Variants in MYH10 observed in about 807,000 individuals in gnomAD.
MYH10 encodes myosin heavy chain 10, also known as myosin-10.
A neutral mutation model predicts 257.8 loss-of-function variants in MYH10; 55 were observed. That is an observed-to-expected ratio of 0.21 (90% CI 0.17 to 0.27). The LOEUF (loss-of-function observed/expected upper bound fraction) is 0.27, where lower values mean the gene tolerates loss of function less well. Ranked by LOEUF, MYH10 falls within the 10% of genes least tolerant of loss-of-function variation. The pLI is 1.00. For missense variants in MYH10, 1,631 were observed against 2,500.6 expected (o/e 0.65, Z 7.42); for synonymous variants, 854 against 921.7 (o/e 0.93, Z 1.33).
chr17:8,517,502 T>C (rs1003095813), intron 21 of MYH10, among the ~76,000 whole-genome samples: 2 of 152,228 alleles, frequency 1.3e-5, no homozygotes, highest in Non-Finnish European at 2.9e-5. Context: ...AAACCCGAAG[T>C]GTTCAGTAGA....
chr17:8,585,182 T>A lies in MYH10; in HGVS notation c.530+3899A>T, dbSNP rs563572227. Among the ~76,000 whole-genome samples, 6 of 123,568 alleles carry A rather than the reference T, an allele frequency of 4.9e-5. No homozygotes were observed. The East Asian group carries it at 1.4e-3, about 30-fold the overall frequency. 81.1% of individuals were successfully genotyped at this position (123,568 alleles called of 152,430 possible). On this transcript the variant is annotated intron_variant, in intron 4 of 42. Transcript: ENST00000360416. ...GTCGTACTACATATATATATGTGTG[T>A]GTGTGTGTATATTATATATATATAT...
At chr17:8,543,881 G>A (rs1222715408) in intron 13 of MYH10, among the ~76,000 whole-genome samples, 2 of 152,186 alleles carry the variant, frequency 1.3e-5, no homozygotes, top group African/African-American at 2.4e-5. Context: ...AATTCAAAGT[G>A]TACAAAGAAT....
chr17:8,484,759 A>G (rs762159654), intron 36 of MYH10, among the ~76,000 whole-genome samples: 5 of 152,210 alleles, frequency 3.3e-5, no homozygotes, highest in Non-Finnish European at 5.9e-5. Context: ...ATACCCTTTC[A>G]ATATAAAAAT....
intron 1 of MYH10, among the ~76,000 whole-genome samples, chr17:8,623,792 T>C (rs1465434911): frequency 1.3e-5 from 2 of 152,216 alleles, no homozygotes; most frequent in Non-Finnish European, 2.9e-5. Flanking sequence ...GTTCTTCTTA[T>C]GAATAACCCA....
chr17:8,560,234 G>T (rs961944640), intron 7 of MYH10, among the ~76,000 whole-genome samples: 1 of 151,824 alleles, frequency 6.6e-6, no homozygotes, highest in African/African-American at 2.4e-5. Flanking sequence ...TTAGAAGTTT[G>T]AAATTCATCA....
intron 25 of MYH10, among the ~76,000 whole-genome samples, chr17:8,509,031 C>T (rs1397378638): frequency 1.3e-5 from 2 of 152,208 alleles, no homozygotes; most frequent in Non-Finnish European, 2.9e-5. Context: ...CACATTCACT[C>T]AGCGCTCACT....
At chr17:8,628,290 C>T (rs919146221) in intron 1 of MYH10, among the ~76,000 whole-genome samples, 3 of 152,166 alleles carry the variant, frequency 2.0e-5, no homozygotes. Flanking sequence ...TAGCCCCCTA[C>T]AGAGCCAAAG....
chr17:8,609,652 T>C (rs75712466), intron 2 of MYH10, among the ~76,000 whole-genome samples: 3,723 of 151,910 alleles, frequency 0.025, 170 homozygotes, highest in African/African-American at 0.085. Context: ...TCTGAAAACG[T>C]AAAATTAAAA....
Position 8,492,955 on chromosome 17 carries a change from T to C in MYH10, c.4279A>G (p.Lys1427Glu). The stretch of plus-strand genomic sequence containing the variant: ...AGGGCCTCCGCGTCCTTCAGAAGCT[T>C]CTTCTTGGCTTCTTCCAGACTTTCA... ...TIESLEEAKK[K>E]LLKDAEALSQ... The change falls in exon 33 of 43, where the codon AAG becomes GAG. Residue 1427 changes from lysine (K) to glutamate (E), a missense_variant. Lys to Glu is a moderately conservative substitution (Grantham distance 56). Around this residue, in one of 11 missense-constraint regions of MYH10, gnomAD observed 463 missense variants for 621.8 expected, o/e 0.74. Coordinates refer to ENST00000360416, the MANE Select transcript of MYH10 (RefSeq NM_001256012.3). 1 of 1,614,192 alleles carries C rather than the reference T, an allele frequency of 6.2e-7. No homozygotes were observed. The highest frequency in any genetic ancestry group is 8.5e-7 in the Non-Finnish European group (1 of 1,180,026).
chr17:8,512,343 C>G, intron 24 of MYH10, 108 bp downstream of exon 24: 6 of 847,934 alleles, frequency 7.1e-6, no homozygotes, highest in Non-Finnish European at 1.1e-5. Context: ...ACCCAGAACC[C>G]TTTTGCTTCT....
chr17:8,486,543 CA>C (rs67844660), intron 36 of MYH10, among the ~76,000 whole-genome samples: 9 of 120,720 alleles, frequency 7.5e-5, no homozygotes, highest in African/African-American at 2.7e-4. Flanking sequence ...TATTTAGCTT[CA>C]AAAAAAAAAA....
chr17:8,568,920 A>C (rs2083247760), intron 7 of MYH10, among the ~76,000 whole-genome samples: 1 of 151,692 alleles, frequency 6.6e-6, no homozygotes, highest in Non-Finnish European at 1.5e-5. Flanking sequence ...ATAGCTAAGG[A>C]GAATTTTTAG....
At chr17:8,536,069 T>G in intron 14 of MYH10, 138 bp from the exon 15 acceptor site, 1 of 773,076 alleles carries the variant, frequency 1.3e-6, no homozygotes, top group South Asian at 2.1e-5. Context: ...AAGGAATGTC[T>G]AAGCCATAAC....
In MYH10 at chr17:8,545,289, G is replaced by A. The variant is rs968640563; in HGVS notation, c.1431+159C>T. 3.3e-5 allele frequency among the ~76,000 whole-genome samples: 5 copies of A among 152,166 alleles called. No individual in the cohort carries two copies. The highest frequency in any genetic ancestry group is 4.4e-5 in the Non-Finnish European group (3 of 68,034). ...TTTCAGTGCATTCTCACAGACCTGC[G>A]GATTCACTGATTATTTGCCATTTAT... On this transcript the variant is annotated intron_variant, in intron 13 of 42. Coordinates refer to ENST00000360416, the MANE Select transcript of MYH10 (RefSeq NM_001256012.3). This position sits in a 1 kb window ranked among gnomAD's most constrained non-coding sequence, Gnocchi z 4.7.
chr17:8,517,468 C>T lies in MYH10; in HGVS notation c.2504+1163G>A, dbSNP rs143349664. 8.5e-5 allele frequency among the ~76,000 whole-genome samples: 13 copies of T among 152,290 alleles called. No individual in the cohort carries two copies. In the East Asian group the frequency reaches 2.1e-3, roughly 25 times the overall value. On this transcript the variant is annotated intron_variant, in intron 21 of 42. Coordinates refer to ENST00000360416, the MANE Select transcript of MYH10 (RefSeq NM_001256012.3). The stretch of plus-strand genomic sequence containing the variant: ...ACTGTCTGGATGGCAAACTATTCAA[C>T]CTGTCTCAAATTCTCTCACTCCCAA...
chr17:8,628,507 A>G (rs2085768406), intron 1 of MYH10, among the ~76,000 whole-genome samples: 1 of 152,240 alleles, frequency 6.6e-6, no homozygotes, highest in Admixed American at 6.5e-5. Flanking sequence ...TATCCATGAC[A>G]GAGCATCCAT....
In MYH10 at chr17:8,535,443, A is replaced by C; in HGVS notation, c.1838T>G (p.Val613Gly). ...TGATGACTGGTGCAAAAGGGTGGCC[A>C]CGTTGTCATTCAGGGGGTCCATATT... Reference protein sequence around the residue: ...MKNMDPLNDNVATLLHQSSDR... With the variant: ...MKNMDPLNDNGATLLHQSSDR... Residue 613 changes from valine (V) to glycine (G), a missense_variant, in exon 16 of 43, where the codon GTG becomes GGG. By Grantham distance (109) the Val-to-Gly change is moderately radical. This residue lies in a region of MYH10 where 96 missense variants were observed against 146.2 expected (regional missense o/e 0.66). Coordinates refer to ENST00000360416, the MANE Select transcript of MYH10 (RefSeq NM_001256012.3). This position sits in a 1 kb window ranked among gnomAD's most constrained non-coding sequence, Gnocchi z 4.3. The C allele has an allele frequency of 6.2e-7, 1 of 1,614,174 alleles. No homozygotes were observed. Among genetic ancestry groups the C allele is most frequent in the Non-Finnish European group, 8.5e-7 (1 of 1,180,020 alleles).
intron 4 of MYH10, among the ~76,000 whole-genome samples, chr17:8,583,594 T>C (rs1003835323): frequency 5.9e-5 from 9 of 152,204 alleles, no homozygotes; most frequent in African/African-American, 2.2e-4. Flanking sequence ...ACCAGAGTTC[T>C]ATCTGACCAC....
chr17:8,520,810 A>G, intron 19 of MYH10, 68 bp downstream of exon 19: 1 of 1,486,214 alleles, frequency 6.7e-7, no homozygotes, highest in East Asian at 2.3e-5. Flanking sequence ...TCCTTATTTT[A>G]TCACTGTTTT....
Sources: allele counts gnomAD v4.1 joint callset (sites outside exome capture counted in the v4.1 genomes callset), GRCh38; gene constraint gnomAD v4.1.1; regional missense constraint gnomAD v4.1.1; non-coding constraint Gnocchi (gnomAD v3.1); transcripts MANE v1.5; gene names NCBI Gene and HGNC (gene_info 2026-07-23, HGNC 2026-07-21).